The following WWC1 variants were observed in gnomAD, a reference collection of about 807,000 sequenced individuals.
WWC1 encodes the protein protein KIBRA.
In WWC1, 55 loss-of-function variants were observed where a neutral mutation model predicts 138.4. That is an observed-to-expected ratio of 0.40 (90% confidence interval 0.32 to 0.50). The LOEUF (loss-of-function observed/expected upper bound fraction) is 0.50. WWC1 is among the 20% of genes least tolerant of loss of function. The pLI is 0.72. For missense variants in WWC1, 1,226 were observed against 1,420.4 expected (o/e 0.86, Z 2.20); for synonymous variants, 524 against 564.9 (o/e 0.93, Z 1.03).
intron 1 of WWC1, 108 bp from the exon 2 acceptor site, chr5:168,371,316 T>A: frequency 1.4e-6 from 1 of 719,376 alleles, no homozygotes; most frequent in South Asian, 1.7e-5. Context: ...GTAAAACTTT[T>A]GGATCTGTTG....
intron 2 of WWC1, among the ~76,000 whole-genome samples, chr5:168,381,783 G>A (rs1582101012): frequency 7.1e-6 from 1 of 141,484 alleles, no homozygotes; most frequent in Non-Finnish European, 1.5e-5. Context: ...AAGCTTCTCT[G>A]CTAATTCTAA....
intron 3 of WWC1, among the ~76,000 whole-genome samples, chr5:168,391,825 C>T (rs1778535851): frequency 7.8e-6 from 1 of 128,348 alleles, no homozygotes; most frequent in Non-Finnish European, 1.6e-5. Flanking sequence ...GAAAGAACAG[C>T]AATAAAATTT....
intron 1 of WWC1, among the ~76,000 whole-genome samples, chr5:168,347,519 C>T (rs1197803737): frequency 6.6e-6 from 1 of 152,150 alleles, no homozygotes; most frequent in Admixed American, 6.5e-5. Context: ...CCATGCTCAC[C>T]CTGTTAAGAA....
chr5:168,436,825 C>T (rs1782386059), intron 15 of WWC1, among the ~76,000 whole-genome samples: 1 of 152,142 alleles, frequency 6.6e-6, no homozygotes, highest in East Asian at 1.9e-4. Flanking sequence ...CAGCCATCTC[C>T]TACTTGGTTT....
intron 3 of WWC1, among the ~76,000 whole-genome samples, chr5:168,396,269 G>A (rs1292711905): frequency 6.6e-6 from 1 of 152,192 alleles, no homozygotes; most frequent in Non-Finnish European, 1.5e-5. Context: ...TGTAATCCCA[G>A]CTACTCAGGA....
chr5:168,420,013 C>T (rs191636509), intron 9 of WWC1, among the ~76,000 whole-genome samples: 4 of 152,338 alleles, frequency 2.6e-5, no homozygotes, highest in Non-Finnish European at 5.9e-5. Context: ...TAACTTCTCC[C>T]GACTCTCTGG....
chr5:168,352,784 A>ATG (rs1025598196), intron 1 of WWC1, among the ~76,000 whole-genome samples: 27 of 152,096 alleles, frequency 1.8e-4, no homozygotes, highest in African/African-American at 6.3e-4. Context: ...GGGTTTCACC[A>ATG]TGTTGGTCAG....
At chr5:168,300,612 A>G (rs1391263015) in intron 1 of WWC1, among the ~76,000 whole-genome samples, 3 of 150,826 alleles carry the variant, frequency 2.0e-5, no homozygotes, top group Non-Finnish European at 4.4e-5. Context: ...CTGCATCAAG[A>G]TTAGGGACAC....
chr5:168,456,934 C>T (rs1360985404), intron 19 of WWC1, among the ~76,000 whole-genome samples: 1 of 151,874 alleles, frequency 6.6e-6, no homozygotes, highest in Non-Finnish European at 1.5e-5. Flanking sequence ...CGCATTTTTC[C>T]CCAGTGTTTT....
In WWC1 at chr5:168,472,184, G is replaced by A. The variant is rs1468035764; in HGVS notation, c.*3167G>A. 1.3e-5 allele frequency: 2 copies of A among 152,256 alleles called. No individual in the cohort carries two copies. The highest frequency in any genetic ancestry group is 1.9e-4 in the East Asian group (1 of 5,196). The allele number at this position is 152,256 out of a possible 1,614,324, so 9.4% of individuals were successfully genotyped here. Reference sequence around the variant, plus strand: ...CAGACCACCTCTGCGGAAGGCAGCAGACCCTCTTCCAGCCATGGATGGAGT... The same window carrying A: ...CAGACCACCTCTGCGGAAGGCAGCAAACCCTCTTCCAGCCATGGATGGAGT... On this transcript the variant is annotated 3_prime_UTR_variant, in exon 23 of 23. Transcript: ENST00000265293.
intron 2 of WWC1, among the ~76,000 whole-genome samples, chr5:168,372,420 A>C (rs1776832043): frequency 6.6e-6 from 1 of 152,082 alleles, no homozygotes; most frequent in Non-Finnish European, 1.5e-5. Context: ...CATCCCCTTA[A>C]TCCTCTCAGG....
At chr5:168,410,043 A>G (rs1319493544) in intron 8 of WWC1, 48 bp downstream of exon 8, 1 of 1,569,312 alleles carries the variant, frequency 6.4e-7, no homozygotes, top group South Asian at 1.1e-5. Flanking sequence ...AATAATAACT[A>G]CTATTGTAGA....
intron 17 of WWC1, 22 bp downstream of exon 17, chr5:168,444,607 C>T: frequency 5.0e-6 from 8 of 1,612,288 alleles, no homozygotes; most frequent in Non-Finnish European, 5.9e-6. Flanking sequence ...CGCCCTTGGG[C>T]CCCAGGAGCT....
At chr5:168,311,580 G>T (rs1004117985) in intron 1 of WWC1, among the ~76,000 whole-genome samples, 2 of 149,672 alleles carry the variant, frequency 1.3e-5, no homozygotes, top group African/African-American at 2.5e-5. Context: ...AAGGCTAAGG[G>T]TAATAATAGA....
At chr5:168,416,862 TTA>T (rs1463656770) in intron 9 of WWC1, among the ~76,000 whole-genome samples, 1 of 152,164 alleles carries the variant, frequency 6.6e-6, no homozygotes, top group Non-Finnish European at 1.5e-5. Context: ...TCCATCAACT[TTA>T]TGTTTTATTT....
At position 168,441,257 on chromosome 5, in the gene WWC1, G is replaced by A. The variant is rs114261471; in HGVS notation, c.2281-425G>A. 2.7e-3 allele frequency among the ~76,000 whole-genome samples: 411 copies of A among 152,334 alleles called. 1 individual carries two copies. The highest frequency in any genetic ancestry group is 0.017 in the Middle Eastern group (5 of 294). The stretch of plus-strand genomic sequence containing the variant: ...GAAAATATAGTGGTGGTTACCAGGA[G>A]CTGTGGGGAAGGGGAAAAAGAGGTT... On this transcript the variant is annotated intron_variant, in intron 15 of 22. Transcript: ENST00000265293.
chr5:168,327,544 C>T (rs1772668157), intron 1 of WWC1, among the ~76,000 whole-genome samples: 1 of 152,168 alleles, frequency 6.6e-6, no homozygotes. Flanking sequence ...AATTATGGTC[C>T]TTGGATCAAA....
At chr5:168,409,330 C>T (rs148774294) in intron 7 of WWC1, among the ~76,000 whole-genome samples, 104 of 152,316 alleles carry the variant, frequency 6.8e-4, no homozygotes, top group African/African-American at 2.2e-3. Flanking sequence ...CAAGGGTGAC[C>T]GGTGAGCCTT....
chr5:168,418,524 C>T (rs1780837871), intron 9 of WWC1, among the ~76,000 whole-genome samples: 1 of 152,162 alleles, frequency 6.6e-6, no homozygotes, highest in Non-Finnish European at 1.5e-5. Context: ...GTGTGCCAGG[C>T]ATCTCACACA....
Sources: gnomAD v4.1 joint callset for allele counts (sites outside exome capture counted in the v4.1 genomes callset) on GRCh38, gnomAD v4.1.1 for gene constraint, MANE v1.5 for transcripts, NCBI Gene and HGNC (gene_info 2026-07-23, HGNC 2026-07-21) for gene names.